NRXN3: variants seen among roughly 807,000 people sequenced by gnomAD.
NRXN3 encodes the protein neurexin III.
NRXN3 carries 32 observed loss-of-function variants against 137.6 expected under a neutral mutation model. The observed-to-expected ratio is 0.23, with a 90% CI of 0.18 to 0.31. The LOEUF is 0.31. Among genes scored for constraint, NRXN3 ranks in the 10% least tolerant of loss-of-function variants. NRXN3 has a pLI of 1.00. For missense variants in NRXN3, 1,574 were observed against 2,062.5 expected (o/e 0.76, Z 4.59); for synonymous variants, 798 against 784.5 (o/e 1.02, Z -0.29).
intron 16 of NRXN3, among the ~76,000 whole-genome samples, chr14:79,522,417 C>A (rs1370002597): frequency 1.3e-5 from 2 of 152,000 alleles, no homozygotes; most frequent in African/African-American, 4.8e-5. Flanking sequence ...ACAGTACAGA[C>A]CCAGAATTTC....
In NRXN3 at chr14:78,709,095, T is replaced by A. The variant is rs2098384752; in HGVS notation, c.1222-122T>A. On this transcript the variant is annotated intron_variant, in intron 6 of 20. Coordinates refer to ENST00000335750, the MANE Select transcript of NRXN3 (RefSeq NM_001330195.2). The stretch of plus-strand genomic sequence containing the variant: ...GGTTCCTGTGTCTCATTGTTTCTCA[T>A]GTTGTTTTGGGCTATGTCCTGAAGC... 20 of 787,052 alleles carry A rather than the reference T, an allele frequency of 2.5e-5. No individual in the cohort carries two copies. In the South Asian group the frequency reaches 3.8e-4, roughly 15 times the overall value. The allele number at this position is 787,052 out of a possible 1,614,324, so 48.8% of individuals were successfully genotyped here.
At chr14:78,835,991 C>T (rs2098995640) in intron 10 of NRXN3, among the ~76,000 whole-genome samples, 1 of 152,084 alleles carries the variant, frequency 6.6e-6, no homozygotes. Flanking sequence ...CTGATTGTCC[C>T]CCAATGTACT....
At chr14:78,548,577 CT>C (rs2096657716) in intron 4 of NRXN3, among the ~76,000 whole-genome samples, 1 of 152,188 alleles carries the variant, frequency 6.6e-6, no homozygotes, top group South Asian at 2.1e-4. Context: ...AATCTAAATT[CT>C]TTGCCTGCTT....
chr14:79,537,130 T>G (rs557518626), intron 16 of NRXN3, among the ~76,000 whole-genome samples: 1 of 152,272 alleles, frequency 6.6e-6, no homozygotes, highest in Non-Finnish European at 1.5e-5. Context: ...TGTTGTTTCT[T>G]GACTTTTTAA....
chr14:79,373,118 A>T (rs920061666), intron 15 of NRXN3, among the ~76,000 whole-genome samples: 1 of 152,144 alleles, frequency 6.6e-6, no homozygotes. Flanking sequence ...TTTAGGTCCA[A>T]TTCTGATATG....
intron 10 of NRXN3, among the ~76,000 whole-genome samples, chr14:78,867,490 C>T (rs1380615219): frequency 1.3e-5 from 2 of 152,180 alleles, no homozygotes; most frequent in African/African-American, 2.4e-5. Flanking sequence ...GAGCTCAGAA[C>T]ACACTGACTC....
At chr14:79,361,433 T>C (rs982638048) in intron 15 of NRXN3, among the ~76,000 whole-genome samples, 1 of 152,152 alleles carries the variant, frequency 6.6e-6, no homozygotes, top group African/African-American at 2.4e-5. Context: ...ACAAAGTTTA[T>C]CTGCTGAGTG....
At chr14:78,181,763 T>G (rs939979192) in intron 1 of NRXN3, among the ~76,000 whole-genome samples, 1 of 152,138 alleles carries the variant, frequency 6.6e-6, no homozygotes, top group African/African-American at 2.4e-5. Context: ...CATTTTAAAT[T>G]TTTCTTCTAA....
chr14:79,355,815 TTTTCTA>T (rs570813177), intron 15 of NRXN3, among the ~76,000 whole-genome samples: 82 of 152,278 alleles, frequency 5.4e-4, no homozygotes, highest in Admixed American at 1.8e-3. Flanking sequence ...CAAACATATC[TTTTCTA>T]TTTCATCTCT....
At chr14:79,568,793 C>T (rs923008286) in intron 16 of NRXN3, among the ~76,000 whole-genome samples, 1 of 152,146 alleles carries the variant, frequency 6.6e-6, no homozygotes, top group African/African-American at 2.4e-5. Context: ...AAACAAATGG[C>T]TTCTATTGTG....
intron 9 of NRXN3, among the ~76,000 whole-genome samples, chr14:78,805,164 CT>C (rs973612310): frequency 1.3e-4 from 20 of 149,222 alleles, no homozygotes; most frequent in Non-Finnish European, 1.3e-4. Flanking sequence ...TTAGTTATGT[CT>C]TTTTTTTTTC....
intron 15 of NRXN3, among the ~76,000 whole-genome samples, chr14:79,425,568 T>G (rs2095643402): frequency 1.3e-5 from 2 of 152,224 alleles, no homozygotes; most frequent in Non-Finnish European, 2.9e-5. Flanking sequence ...TAATTTTCAA[T>G]AATCCTATGA....
At chr14:79,674,220 T>C (rs2098628541) in intron 17 of NRXN3, among the ~76,000 whole-genome samples, 1 of 152,092 alleles carries the variant, frequency 6.6e-6, no homozygotes, top group African/African-American at 2.4e-5. Context: ...ACCTTTCTCA[T>C]TGAGGAAATT....
intron 4 of NRXN3, among the ~76,000 whole-genome samples, chr14:78,511,157 GCAA>G (rs894599691): frequency 7.9e-5 from 12 of 152,002 alleles, no homozygotes; most frequent in African/African-American, 2.2e-4. Context: ...AACAGCAGCA[GCAA>G]CAACAACAAC....
At chr14:79,036,963 G>A (rs918993644) in intron 15 of NRXN3, among the ~76,000 whole-genome samples, 4 of 151,954 alleles carry the variant, frequency 2.6e-5, no homozygotes, top group African/African-American at 7.2e-5. Context: ...AACAATTGCC[G>A]ACCACTATTT....
intron 15 of NRXN3, among the ~76,000 whole-genome samples, chr14:79,372,142 T>A (rs1308118507): frequency 7.3e-6 from 1 of 136,320 alleles, no homozygotes; most frequent in Non-Finnish European, 1.6e-5. Context: ...ACATAGAGAG[T>A]GTGTGAGAGA....
chr14:78,952,726 T>C (rs1297220980), intron 10 of NRXN3, among the ~76,000 whole-genome samples: 1 of 152,210 alleles, frequency 6.6e-6, no homozygotes, highest in Non-Finnish European at 1.5e-5. Context: ...TTATGCATTG[T>C]AGAAATTTTG....
Position 79,514,037 on chromosome 14 carries a change from A to T in NRXN3, c.3444+46635A>T, listed in dbSNP as rs867654100. Among the ~76,000 whole-genome samples the T allele has an allele frequency of 4.3e-4, 66 of 152,340 alleles. 1 individual carries two copies. Among genetic ancestry groups the T allele is most frequent in the Middle Eastern group, 3.4e-3 (1 of 294 alleles). ...GAGAAATATAGAAAATTAATATACT[A>T]CATCATGCAACCTGCTTCTAAACAA... On this transcript the variant is annotated intron_variant, in intron 16 of 20. Coordinates refer to ENST00000335750, the MANE Select transcript of NRXN3 (RefSeq NM_001330195.2).
chr14:78,279,580 A>T (rs1326031256), intron 3 of NRXN3: 1 of 152,144 alleles, frequency 6.6e-6, no homozygotes, highest in East Asian at 1.9e-4. Flanking sequence ...GTATCATTAT[A>T]TTCATTTTAA....
Sources: allele counts gnomAD v4.1 joint callset (sites outside exome capture counted in the v4.1 genomes callset), GRCh38; gene constraint gnomAD v4.1.1; transcripts MANE v1.5; gene names NCBI Gene and HGNC (gene_info 2026-07-23, HGNC 2026-07-21).